Variants in DAB1 observed in about 807,000 individuals in gnomAD.
DAB1 encodes disabled homolog 1.
In DAB1, 15 loss-of-function variants were observed where a neutral mutation model predicts 64.6. The observed-to-expected ratio is 0.23, with a 90% CI of 0.16 to 0.36. The LOEUF is 0.36. Among genes scored for constraint, DAB1 ranks in the 10% least tolerant of loss-of-function variants. DAB1 has a pLI of 1.00. For synonymous variants in DAB1, 235 were observed against 251.9 expected, an observed-to-expected ratio of 0.93 and a Z score of 0.64; for missense variants, 596 against 706.7, an observed-to-expected ratio of 0.84 and a Z score of 1.78.
At chr1:57,217,837 C>T (rs899169893) in intron 2 of DAB1, among the ~76,000 whole-genome samples, 3 of 152,020 alleles carry the variant, frequency 2.0e-5, no homozygotes, top group Non-Finnish European at 4.4e-5. Flanking sequence ...CCAATCCCCC[C>T]ACCCCACCCC....
rs531048223 is a variant in DAB1 at position 57,167,601 on chromosome 1, A to G, written c.68-22172T>C. Among the ~76,000 whole-genome samples, 59 of 152,238 alleles carry G rather than the reference A, an allele frequency of 3.9e-4. No individual in the cohort carries two copies. In the East Asian group the frequency reaches 0.011, roughly 29 times the overall value. On this transcript the variant is annotated intron_variant, in intron 2 of 14. Coordinates refer to ENST00000371236, the MANE Select transcript of DAB1 (RefSeq NM_001365792.1). Reference sequence around the variant, plus strand: ...TCCTGAGCTCTACATCCACCGTTTAATCTGCCTTCTAATGCTCACATCTGA... The same window carrying G: ...TCCTGAGCTCTACATCCACCGTTTAGTCTGCCTTCTAATGCTCACATCTGA...
intron 7 of DAB1, among the ~76,000 whole-genome samples, chr1:57,547,746 A>C (rs1408058156): frequency 6.6e-6 from 1 of 152,226 alleles, no homozygotes; most frequent in Non-Finnish European, 1.5e-5. Flanking sequence ...GTGAAATCCA[A>C]ATAACGTCTA....
intron 2 of DAB1, among the ~76,000 whole-genome samples, chr1:57,197,846 T>C (rs1398162585): frequency 6.6e-6 from 1 of 152,212 alleles, no homozygotes; most frequent in East Asian, 1.9e-4. Flanking sequence ...ACCCAGGGAA[T>C]GTAATCTTGC....
intron 7 of DAB1, among the ~76,000 whole-genome samples, chr1:57,608,528 A>C (rs998222277): frequency 1.3e-5 from 2 of 152,200 alleles, no homozygotes; most frequent in African/African-American, 4.8e-5. Flanking sequence ...AAAAACCTGC[A>C]CTTATCAATA....
chr1:57,121,940 G>T (rs1300138468), intron 4 of DAB1, among the ~76,000 whole-genome samples: 1 of 152,128 alleles, frequency 6.6e-6, no homozygotes, highest in Non-Finnish European at 1.5e-5. Context: ...GTTGTGGGGG[G>T]TCAGCCGGAG....
chr1:57,876,578 T>A (rs1370228975), intron 1 of DAB1: 1 of 152,208 alleles, frequency 6.6e-6, no homozygotes. Flanking sequence ...ATTTCCTTTT[T>A]TTCTGATTCT....
intron 5 of DAB1, among the ~76,000 whole-genome samples, chr1:58,052,874 A>G (rs979307578): frequency 1.3e-5 from 2 of 152,212 alleles, no homozygotes; most frequent in African/African-American, 4.8e-5. Context: ...TACTAGGCTT[A>G]CAATTCTGCA....
intron 1 of DAB1, among the ~76,000 whole-genome samples, chr1:57,422,656 C>T (rs1438715109): frequency 6.6e-6 from 1 of 152,124 alleles, no homozygotes; most frequent in Non-Finnish European, 1.5e-5. Flanking sequence ...TTCCTTCAGA[C>T]TCTCCCAGCC....
intron 5 of DAB1, among the ~76,000 whole-genome samples, chr1:57,912,945 G>T (rs2102011108): frequency 6.6e-6 from 1 of 152,144 alleles, no homozygotes; most frequent in Non-Finnish European, 1.5e-5. Context: ...AATAAAAGAG[G>T]ATACAAACAA....
intron 4 of DAB1, among the ~76,000 whole-genome samples, chr1:58,164,854 T>A (rs1196359263): frequency 6.6e-6 from 1 of 152,206 alleles, no homozygotes; most frequent in Admixed American, 6.5e-5. Flanking sequence ...GCTTAACATA[T>A]ATAATGAATA....
intron 6 of DAB1, among the ~76,000 whole-genome samples, chr1:57,703,287 C>T (rs147471802): frequency 9.2e-5 from 14 of 152,146 alleles, no homozygotes; most frequent in African/African-American, 2.4e-4. Context: ...GCAAACTATG[C>T]GTTCGACAAA....
At chr1:57,066,218 A>T (rs1260471318) in intron 8 of DAB1, among the ~76,000 whole-genome samples, 1 of 152,196 alleles carries the variant, frequency 6.6e-6, no homozygotes, top group Admixed American at 6.5e-5. Context: ...TTGCTTATAT[A>T]GGAAGCCTGT....
chr1:57,204,448 AT>A (rs1322420307), intron 2 of DAB1, among the ~76,000 whole-genome samples: 16 of 117,660 alleles, frequency 1.4e-4, no homozygotes, highest in African/African-American at 4.7e-4. Flanking sequence ...ACTGGTCTAG[AT>A]TTAAAAAAAA....
chr1:58,046,224 G>A (rs1647250124), intron 5 of DAB1, among the ~76,000 whole-genome samples: 1 of 152,108 alleles, frequency 6.6e-6, no homozygotes, highest in Admixed American at 6.5e-5. Context: ...AAAAGCCTGG[G>A]AATTCTGGAT....
At chr1:57,880,136 G>C (rs1195738441) in intron 1 of DAB1, 1 of 146,726 alleles carries the variant, frequency 6.8e-6, no homozygotes, top group Non-Finnish European at 1.5e-5. Context: ...GGCAAACACA[G>C]AGAGGTATGC....
At chr1:58,092,524 T>C (rs1187795666) in intron 5 of DAB1, among the ~76,000 whole-genome samples, 1 of 152,042 alleles carries the variant, frequency 6.6e-6, no homozygotes, top group Non-Finnish European at 1.5e-5. Context: ...TTTTTAAGAA[T>C]TAGAAAACAC....
At chr1:57,563,456 G>A (rs1191788718) in intron 7 of DAB1, among the ~76,000 whole-genome samples, 1 of 152,090 alleles carries the variant, frequency 6.6e-6, no homozygotes, top group African/African-American at 2.4e-5. Context: ...GACAGTGGGT[G>A]CAGCCCACCA....
chr1:57,650,534 A>C (rs1375198143), intron 6 of DAB1, among the ~76,000 whole-genome samples: 2 of 152,230 alleles, frequency 1.3e-5, no homozygotes, highest in African/African-American at 4.8e-5. Flanking sequence ...AATGTTCACT[A>C]TACAGAAAAT....
chr1:58,333,401 T>C (rs1663022271), intron 4 of DAB1, among the ~76,000 whole-genome samples: 1 of 151,058 alleles, frequency 6.6e-6, no homozygotes, highest in Non-Finnish European at 1.5e-5. Flanking sequence ...GAGAGAGGAG[T>C]TGTTAAACAA....
Sources: gnomAD v4.1 joint callset for allele counts (sites outside exome capture counted in the v4.1 genomes callset) on GRCh38, gnomAD v4.1.1 for gene constraint, MANE v1.5 for transcripts, NCBI Gene and HGNC (gene_info 2026-07-23, HGNC 2026-07-21) for gene names.